The following PTCHD4 variants were observed in gnomAD, a reference collection of about 807,000 sequenced individuals.
PTCHD4 encodes patched domain-containing protein 4.
A neutral mutation model predicts 58.1 loss-of-function variants in PTCHD4; 33 were observed. The ratio of observed to expected loss-of-function variants is 0.57; its 90% CI spans 0.43 to 0.76. PTCHD4 has a LOEUF of 0.76. Ranked by LOEUF, PTCHD4 falls within the 30% of genes least tolerant of loss-of-function variation. The pLI is 0.00. For missense variants in PTCHD4, 1,058 were observed against 1,027.1 expected (o/e 1.03, Z -0.41); for synonymous variants, 478 against 409.6 (o/e 1.17, Z -2.02).
chr6:47,967,519 A>T, intron 4 of PTCHD4, among the ~76,000 whole-genome samples: 1 of 152,214 alleles, frequency 6.6e-6, no homozygotes. Flanking sequence ...CTTTAAAGCC[A>T]GTCATTGACT....
intron 1 of PTCHD4, among the ~76,000 whole-genome samples, chr6:48,084,158 A>T (rs1765218053): frequency 6.6e-6 from 1 of 152,208 alleles, no homozygotes; most frequent in Non-Finnish European, 1.5e-5. Flanking sequence ...CATCTATGAA[A>T]TTTCTTTCAC....
intron 4 of PTCHD4, among the ~76,000 whole-genome samples, chr6:47,949,870 G>GT (rs71305747): frequency 0.029 from 4,197 of 146,990 alleles, 71 homozygotes; most frequent in Middle Eastern, 0.063. Flanking sequence ...AACTTGGATT[G>GT]TTTTTTTTTT....
intron 4 of PTCHD4, among the ~76,000 whole-genome samples, chr6:47,982,481 CTTT>C (rs375869071): frequency 5.4e-5 from 7 of 130,780 alleles, no homozygotes; most frequent in Non-Finnish European, 1.1e-4. Flanking sequence ...TTATCTCTCT[CTTT>C]TTTTTTTTTT....
chr6:48,040,113 A>T (rs1258710651), intron 3 of PTCHD4, among the ~76,000 whole-genome samples: 1 of 152,114 alleles, frequency 6.6e-6, no homozygotes, highest in African/African-American at 2.4e-5. Flanking sequence ...CTAAAACTTT[A>T]TGACGCTATG....
chr6:47,991,370 A>C (rs1051145930), intron 4 of PTCHD4, among the ~76,000 whole-genome samples: 3 of 152,122 alleles, frequency 2.0e-5, no homozygotes, highest in South Asian at 2.1e-4. Flanking sequence ...ACCCAGTAAA[A>C]ACAGCTTTCA....
At chr6:48,035,720 G>T (rs1257481006) in intron 3 of PTCHD4, among the ~76,000 whole-genome samples, 1 of 152,058 alleles carries the variant, frequency 6.6e-6, no homozygotes, top group Non-Finnish European at 1.5e-5. Flanking sequence ...ATCTGATCAG[G>T]TTCCTCATTC....
chr6:47,927,457 T>C (rs923623893), intron 4 of PTCHD4, among the ~76,000 whole-genome samples: 1 of 152,192 alleles, frequency 6.6e-6, no homozygotes, highest in Admixed American at 6.5e-5. Context: ...TTGAGCCCTT[T>C]GCCAAACAAT....
chr6:48,084,266 T>C lies in PTCHD4; in HGVS notation c.-969-14340A>G, dbSNP rs542836328. Among the ~76,000 whole-genome samples, 7 of 152,340 alleles carry C rather than the reference T, an allele frequency of 4.6e-5. 1 individual carries two copies. In the South Asian group the frequency reaches 1.2e-3, roughly 27 times the overall value. On this transcript the variant is annotated intron_variant, in intron 1 of 4. Coordinates refer to ENST00000339488, the MANE Select transcript of PTCHD4 (RefSeq NM_001384253.1). ...AAAGGAATCTCTGTATTCTACTGGA[T>C]ACTTCTCTTGATATTTGACTTTTAA...
intron 1 of PTCHD4, among the ~76,000 whole-genome samples, chr6:48,091,812 AT>A (rs1262906456): frequency 2.0e-5 from 3 of 150,712 alleles, no homozygotes; most frequent in Admixed American, 6.6e-5. Flanking sequence ...TGCCCAGCTA[AT>A]TTTTTTTTGT....
chr6:47,902,667 C>T (rs1176704133), intron 4 of PTCHD4, among the ~76,000 whole-genome samples: 1 of 152,202 alleles, frequency 6.6e-6, no homozygotes, highest in East Asian at 1.9e-4. Context: ...ATTTTTCTTA[C>T]TGTGGCCTCC....
intron 3 of PTCHD4, among the ~76,000 whole-genome samples, chr6:48,035,963 T>C (rs1763618160): frequency 6.6e-6 from 1 of 152,090 alleles, no homozygotes; most frequent in South Asian, 2.1e-4. Flanking sequence ...CTCCCTGTAC[T>C]TACTAAGATC....
chr6:48,100,667 C>T (rs1462593444), intron 1 of PTCHD4, among the ~76,000 whole-genome samples: 7 of 152,164 alleles, frequency 4.6e-5, no homozygotes, highest in East Asian at 1.9e-4. Context: ...ATAAGCTTGG[C>T]GACAGGAAGG....
chr6:48,064,808 G>A (rs753229737), intron 3 of PTCHD4, among the ~76,000 whole-genome samples: 2 of 152,152 alleles, frequency 1.3e-5, no homozygotes, highest in Non-Finnish European at 2.9e-5. Context: ...GATATGATTT[G>A]TGTGCCTAGT....
In PTCHD4 at chr6:48,008,755, G is replaced by A. The variant is rs750873418; in HGVS notation, c.777C>T (p.Pro259=). 1 of 1,613,942 alleles carries A rather than the reference G, an allele frequency of 6.2e-7. No homozygotes were observed. The highest frequency in any genetic ancestry group is 2.2e-5 in the East Asian group (1 of 44,864). ...SSMKDCLRSK[P]FLGLLGVLTV... ...TGAGCACCCCCAGGAGGCCCAGGAA[G>A]GGCTTACTGCGCAAGCAGTCCTTCA... The change falls in exon 4 of 5, where the codon CCC becomes CCT. Residue 259 remains proline (P), a synonymous_variant. Transcript: ENST00000339488.
At position 47,878,341 on chromosome 6, in the gene PTCHD4, C is replaced by T; in HGVS notation, c.2494G>A (p.Glu832Lys). Residue 832 changes from glutamate to lysine, a missense_variant, in exon 5 of 5, where the codon GAA (glutamate) becomes AAA (lysine). Transcript: ENST00000339488. ...RKEREEIECI[E>K]IQENPDHVTT... ...ACGTGATCCGGGTTCTCTTGAATTT[C>T]TATGCATTCAATTTCCTCTCTCTCC... 6.2e-7 allele frequency: 1 copy of T among 1,607,436 alleles called. No homozygotes were observed. The highest frequency in any genetic ancestry group is 1.7e-5 in the Admixed American group (1 of 59,282).
chr6:48,081,565 T>A (rs1399037687), intron 1 of PTCHD4, among the ~76,000 whole-genome samples: 1 of 152,152 alleles, frequency 6.6e-6, no homozygotes, highest in Non-Finnish European at 1.5e-5. Flanking sequence ...TTCAAATATA[T>A]TAATAGAATT....
At chr6:48,054,562 A>T (rs991138747) in intron 3 of PTCHD4, among the ~76,000 whole-genome samples, 1 of 152,124 alleles carries the variant, frequency 6.6e-6, no homozygotes, top group Non-Finnish European at 1.5e-5. Flanking sequence ...TTTCTTCCTT[A>T]TGTCTGTTAA....
chr6:47,938,792 A>G (rs1294921408), intron 4 of PTCHD4, among the ~76,000 whole-genome samples: 1 of 152,224 alleles, frequency 6.6e-6, no homozygotes, highest in Non-Finnish European at 1.5e-5. Flanking sequence ...AATGTCAGGA[A>G]AATGAGAGAG....
At chr6:47,894,652 C>T (rs1764479282) in intron 4 of PTCHD4, among the ~76,000 whole-genome samples, 1 of 152,216 alleles carries the variant, frequency 6.6e-6, no homozygotes, top group African/African-American at 2.4e-5. Context: ...TGGCTATATA[C>T]TCACAGTATA....
Sources: gnomAD v4.1 joint callset for allele counts (sites outside exome capture counted in the v4.1 genomes callset) on GRCh38, gnomAD v4.1.1 for gene constraint, MANE v1.5 for transcripts, NCBI Gene and HGNC (gene_info 2026-07-23, HGNC 2026-07-21) for gene names.